Variants in CD9 observed in about 807,000 individuals in gnomAD.
CD9 encodes the protein CD9 molecule.
Under a neutral mutation model 31.4 loss-of-function variants are expected in CD9, and 10 were observed. That is an observed-to-expected ratio of 0.32 (90% CI 0.20 to 0.54). The LOEUF is 0.54. Ranked by LOEUF, CD9 falls within the 20% of genes least tolerant of loss-of-function variation. The pLI is 0.94. For missense variants in CD9, 259 were observed against 300.1 expected, an observed-to-expected ratio of 0.86 and a Z score of 1.01; for synonymous variants, 113 against 114.1, an observed-to-expected ratio of 0.99 and a Z score of 0.06.
intron 1 of CD9, among the ~76,000 whole-genome samples, chr12:6,217,912 A>G (rs1350337270): frequency 1.3e-5 from 2 of 152,168 alleles, no homozygotes; most frequent in Non-Finnish European, 2.9e-5. Context: ...TAGAGGAAGC[A>G]TAACAAATAT....
chr12:6,222,955 G>A (rs1337687482), intron 1 of CD9, among the ~76,000 whole-genome samples: 1 of 152,226 alleles, frequency 6.6e-6, no homozygotes, highest in African/African-American at 2.4e-5. Context: ...TCACTCATCA[G>A]GGGAAGTAAG....
intron 4 of CD9, 61 bp downstream of exon 4, chr12:6,233,547 AG>A (rs1417636468): frequency 2.4e-6 from 3 of 1,271,334 alleles, no homozygotes; most frequent in East Asian, 2.3e-5. Context: ...ACAGTGAAGC[AG>A]GGGGCAAGTC....
intron 1 of CD9, chr12:6,224,970 G>C (rs1043600787): frequency 6.5e-6 from 1 of 154,900 alleles, no homozygotes; most frequent in African/African-American, 2.4e-5. Context: ...CCACTCACCT[G>C]ATAACAATGC....
At chr12:6,220,991 C>G (rs141366942) in intron 1 of CD9, among the ~76,000 whole-genome samples, 2 of 152,336 alleles carry the variant, frequency 1.3e-5, no homozygotes, top group Non-Finnish European at 2.9e-5. Flanking sequence ...CCTCAGTCTT[C>G]TCTGGGCTGT....
chr12:6,229,410 C>T (rs1272327429), intron 2 of CD9, among the ~76,000 whole-genome samples: 1 of 152,202 alleles, frequency 6.6e-6, no homozygotes, highest in Non-Finnish European at 1.5e-5. Context: ...GAAACCAGCA[C>T]AGCTTACACA....
At chr12:6,221,758 T>C (rs556736796) in intron 1 of CD9, among the ~76,000 whole-genome samples, 1 of 150,380 alleles carries the variant, frequency 6.6e-6, no homozygotes, top group Non-Finnish European at 1.5e-5. Flanking sequence ...GGAGGATTGC[T>C]TGAGGCCAGG....
At chr12:6,208,099 C>T (rs1946151963) in intron 1 of CD9, among the ~76,000 whole-genome samples, 1 of 152,068 alleles carries the variant, frequency 6.6e-6, no homozygotes, top group South Asian at 2.1e-4. Context: ...TGGCAGGTGC[C>T]TGTAATCCCA....
intron 2 of CD9, 131 bp downstream of exon 2, chr12:6,225,665 G>A (rs1030808606): frequency 1.3e-5 from 8 of 616,670 alleles, no homozygotes; most frequent in Admixed American, 2.8e-5. Flanking sequence ...CTGGCCAGTC[G>A]TGTCCCTTTC....
chr12:6,232,853 T>C lies in CD9; in HGVS notation c.273+124T>C. The C allele has an allele frequency of 1.2e-5, 9 of 735,188 alleles. No individual in the cohort carries two copies. The highest frequency in any genetic ancestry group is 2.3e-4 in the Middle Eastern group (1 of 4,408). 45.5% of individuals were successfully genotyped at this position (735,188 alleles called of 1,614,324 possible). On this transcript the variant is annotated intron_variant, in intron 3 of 7. Coordinates refer to ENST00000009180, the MANE Select transcript of CD9 (RefSeq NM_001769.4). The surrounding 1 kb of genome is among the most constrained non-coding windows in gnomAD (Gnocchi z 4.8). Reference sequence around the variant, plus strand: ...GGGTCAGGAAGGTACCCAAAGGGCATGAGCTGTCCTCAGCCTGGGCCCCTC... The same window carrying C: ...GGGTCAGGAAGGTACCCAAAGGGCACGAGCTGTCCTCAGCCTGGGCCCCTC...
At chr12:6,223,744 A>C (rs4764488) in intron 1 of CD9, among the ~76,000 whole-genome samples, 1 of 151,908 alleles carries the variant, frequency 6.6e-6, no homozygotes, top group African/African-American at 2.4e-5. Context: ...AGCTAACTGC[A>C]GTGCTCTTGG....
At chr12:6,224,367 TAG>T (rs948350613) in intron 1 of CD9, among the ~76,000 whole-genome samples, 17 of 151,428 alleles carry the variant, frequency 1.1e-4, no homozygotes, top group African/African-American at 4.1e-4. Context: ...TCCTGGGGGG[TAG>T]GTGAGTTTGT....
intron 7 of CD9, among the ~76,000 whole-genome samples, chr12:6,237,287 T>C (rs1396689256): frequency 6.6e-6 from 1 of 151,888 alleles, no homozygotes; most frequent in East Asian, 1.9e-4. Flanking sequence ...GATATAACAA[T>C]ACGTTTTAAA....
Position 6,237,952 on chromosome 12 carries a change from C to A in CD9, c.*124C>A. The A allele has an allele frequency of 1.5e-6, 1 of 652,788 alleles. No individual in the cohort carries two copies. Among genetic ancestry groups the A allele is most frequent in the Non-Finnish European group, 2.7e-6 (1 of 364,328 alleles). 40.4% of individuals were successfully genotyped at this position (652,788 alleles called of 1,614,324 possible). ...TTTGCCACTAATTTTAGTATTCATT[C>A]TGCATTGCTAGATAAAAGCTGAAGT... On this transcript the variant is annotated 3_prime_UTR_variant, in exon 8 of 8. Coordinates refer to ENST00000009180, the MANE Select transcript of CD9 (RefSeq NM_001769.4).
chr12:6,208,085 A>C (rs1946151790), intron 1 of CD9, among the ~76,000 whole-genome samples: 1 of 152,128 alleles, frequency 6.6e-6, no homozygotes, highest in South Asian at 2.1e-4. Flanking sequence ...TTAGCCAGTC[A>C]TGGTGGCAGG....
At position 6,208,557 on chromosome 12, in the gene CD9, G is replaced by T. The variant is rs556264106; in HGVS notation, c.66+7992G>T. Among the ~76,000 whole-genome samples the T allele has an allele frequency of 2.7e-3, 415 of 151,866 alleles. 2 individuals are homozygous for T. Among genetic ancestry groups the T allele is most frequent in the African/African-American group, 9.4e-3 (390 of 41,444 alleles). On this transcript the variant is annotated intron_variant, in intron 1 of 7. Coordinates refer to ENST00000009180, the MANE Select transcript of CD9 (RefSeq NM_001769.4). ...CTATTCAAGGATTTTAGTTTTTTTT[G>T]TTTGTTTGTTTGTTTTTGTTCTTTT...
intron 1 of CD9, among the ~76,000 whole-genome samples, chr12:6,206,684 T>G (rs1249468072): frequency 6.6e-6 from 1 of 152,166 alleles, no homozygotes; most frequent in South Asian, 2.1e-4. Context: ...GATAATTTTT[T>G]TGTGATAATT....
At chr12:6,230,887 C>T (rs777318038) in intron 2 of CD9, among the ~76,000 whole-genome samples, 2 of 152,242 alleles carry the variant, frequency 1.3e-5, no homozygotes, top group Non-Finnish European at 2.9e-5. Flanking sequence ...CTTGACCTCA[C>T]GACGGATGTG....
At position 6,209,344 on chromosome 12, in the gene CD9, G is replaced by C. The variant is rs188311454; in HGVS notation, c.66+8779G>C. Among the ~76,000 whole-genome samples the C allele has an allele frequency of 3.0e-3, 460 of 152,274 alleles. 2 individuals are homozygous for C. Among genetic ancestry groups the C allele is most frequent in the Non-Finnish European group, 4.9e-3 (333 of 68,024 alleles). Reference sequence around the variant, plus strand: ...TGTAGGTGGGCAGTTGCAGTGTGTAGTGTGCATGCACACCCCAGATTTATG... The same window carrying C: ...TGTAGGTGGGCAGTTGCAGTGTGTACTGTGCATGCACACCCCAGATTTATG... On this transcript the variant is annotated intron_variant, in intron 1 of 7. Coordinates refer to ENST00000009180, the MANE Select transcript of CD9 (RefSeq NM_001769.4).
At chr12:6,230,274 C>T (rs774159033) in intron 2 of CD9, among the ~76,000 whole-genome samples, 8 of 152,222 alleles carry the variant, frequency 5.3e-5, no homozygotes, top group Non-Finnish European at 1.0e-4. Flanking sequence ...TTAAAGCCCA[C>T]AAAACCCGTG....
Sources: allele counts gnomAD v4.1 joint callset (sites outside exome capture counted in the v4.1 genomes callset), GRCh38; gene constraint gnomAD v4.1.1; non-coding constraint Gnocchi (gnomAD v3.1); transcripts MANE v1.5; gene names NCBI Gene and HGNC (gene_info 2026-07-23, HGNC 2026-07-21).